Variants in NDUFAF2 observed in about 807,000 individuals in gnomAD.
NDUFAF2 encodes NADH:ubiquinone oxidoreductase complex assembly factor 2, also known as NADH dehydrogenase [ubiquinone] 1 alpha subcomplex assembly factor 2.
NDUFAF2 carries 13 observed loss-of-function variants against 22.8 expected under a neutral mutation model. That is an observed-to-expected ratio of 0.57 (90% CI 0.37 to 0.91). The LOEUF (loss-of-function observed/expected upper bound fraction) is 0.91, where lower values mean the gene tolerates loss of function less well. Ranked by LOEUF, NDUFAF2 falls within the 40% of genes least tolerant of loss-of-function variation. The pLI, the probability that NDUFAF2 is intolerant of heterozygous loss-of-function variation, is 0.01. For synonymous variants in NDUFAF2, 53 were observed against 64.2 expected (o/e 0.83, Z 0.84); for missense variants, 162 against 195.2 (o/e 0.83, Z 1.01).
rs532292878 is a variant in NDUFAF2 at position 61,006,373 on chromosome 5, C to T, written c.127+60991C>T. 5.8e-4 allele frequency among the ~76,000 whole-genome samples: 88 copies of T among 152,186 alleles called. No homozygotes were observed. The Middle Eastern group carries it at 0.01, about 18-fold the overall frequency. On this transcript the variant is annotated intron_variant, in intron 1 of 3. Transcript: ENST00000296597. ...TGTAGTATAGTTTGAAGTCAGGTAG[C>T]GTGATGCCTCCAGCTTTGTTCTTTT...
chr5:61,081,077 A>C (rs888586328), intron 2 of NDUFAF2, among the ~76,000 whole-genome samples: 1 of 152,132 alleles, frequency 6.6e-6, no homozygotes, highest in South Asian at 2.1e-4. Flanking sequence ...CCGTTTTTTT[A>C]AATGACCACT....
intron 1 of NDUFAF2, among the ~76,000 whole-genome samples, chr5:60,999,502 G>T (rs370655957): frequency 6.6e-6 from 1 of 152,062 alleles, no homozygotes; most frequent in Admixed American, 6.6e-5. Flanking sequence ...CCATTTATAT[G>T]AAATATCCAG....
intron 1 of NDUFAF2, among the ~76,000 whole-genome samples, chr5:60,972,717 T>C (rs544068141): frequency 4.6e-5 from 7 of 151,894 alleles, no homozygotes; most frequent in Non-Finnish European, 1.0e-4. Flanking sequence ...GTTTTTAATC[T>C]CTTTTTTTAA....
intron 2 of NDUFAF2, among the ~76,000 whole-genome samples, chr5:61,085,421 A>T (rs1327884996): frequency 1.3e-5 from 2 of 152,160 alleles, no homozygotes; most frequent in Admixed American, 1.3e-4. Context: ...TAAGGGGGGA[A>T]AAAAACCTAC....
chr5:60,977,830 C>T (rs1474120755), intron 1 of NDUFAF2, among the ~76,000 whole-genome samples: 1 of 124,522 alleles, frequency 8.0e-6, no homozygotes, highest in Non-Finnish European at 1.7e-5. Flanking sequence ...GAACAAGACT[C>T]TGTCTCAAAA....
At chr5:61,007,767 A>G (rs1751387444) in intron 1 of NDUFAF2, among the ~76,000 whole-genome samples, 1 of 152,210 alleles carries the variant, frequency 6.6e-6, no homozygotes, top group Non-Finnish European at 1.5e-5. Flanking sequence ...ATCTAGAACT[A>G]GAAATACCAT....
chr5:61,074,544 G>A (rs377580768), intron 2 of NDUFAF2, among the ~76,000 whole-genome samples: 3 of 152,032 alleles, frequency 2.0e-5, no homozygotes, highest in East Asian at 3.9e-4. Flanking sequence ...CCAAGATCAC[G>A]CCACTGCACT....
intron 3 of NDUFAF2, among the ~76,000 whole-genome samples, chr5:61,127,490 A>G (rs1389209282): frequency 6.6e-6 from 1 of 152,188 alleles, no homozygotes; most frequent in Non-Finnish European, 1.5e-5. Context: ...ACATAAATCA[A>G]TACACATAAT....
At chr5:61,151,900 C>T (rs529596781) in intron 3 of NDUFAF2, among the ~76,000 whole-genome samples, 13 of 152,096 alleles carry the variant, frequency 8.5e-5, no homozygotes, top group Non-Finnish European at 1.5e-4. Context: ...TTTTAAGATA[C>T]GTATCTTTTC....
chr5:61,009,453 G>A (rs1561541017), intron 1 of NDUFAF2, among the ~76,000 whole-genome samples: 2 of 152,026 alleles, frequency 1.3e-5, no homozygotes, highest in Non-Finnish European at 2.9e-5. Flanking sequence ...TCATTGGACT[G>A]CCCAGATTTA....
chr5:61,152,792 C>G lies in NDUFAF2; in HGVS notation c.347C>G (p.Thr116Ser). 1 of 1,599,890 alleles carries G rather than the reference C, an allele frequency of 6.3e-7. No homozygotes were observed. Among genetic ancestry groups the G allele is most frequent in the Non-Finnish European group, 8.5e-7 (1 of 1,172,408 alleles). ...YEKEKLLSKE[T>S]SEELLPPPVQ... ...AAAGAAAAACTCCTTAGTAAAGAGA[C>G]CAGTGAGGAACTCCTGCCTCCACCA... Residue 116 changes from threonine (T) to serine (S), a missense_variant, in exon 4 of 4, where the codon ACC (threonine) becomes AGC (serine). By Grantham distance (58) the Thr-to-Ser change is moderately conservative. This residue lies in a region of NDUFAF2 where 68 missense variants were observed against 110.0 expected (regional missense o/e 0.62). Transcript: ENST00000296597.
chr5:61,027,426 TTG>T (rs1221737450), intron 1 of NDUFAF2, among the ~76,000 whole-genome samples: 1 of 151,974 alleles, frequency 6.6e-6, no homozygotes, highest in Non-Finnish European at 1.5e-5. Context: ...TCACTTCCTA[TTG>T]TTTTACTTTC....
intron 2 of NDUFAF2, among the ~76,000 whole-genome samples, chr5:61,087,005 T>A (rs1343533876): frequency 1.3e-5 from 2 of 152,110 alleles, no homozygotes; most frequent in African/African-American, 4.8e-5. Context: ...TAAATGTGGT[T>A]CCCCCACACT....
At chr5:60,995,279 A>G (rs1561537399) in intron 1 of NDUFAF2, among the ~76,000 whole-genome samples, 1 of 152,180 alleles carries the variant, frequency 6.6e-6, no homozygotes, top group Non-Finnish European at 1.5e-5. Context: ...TTGAAAGGTT[A>G]GGTATTATAG....
At chr5:61,123,892 T>TA (rs34670131) in intron 3 of NDUFAF2, among the ~76,000 whole-genome samples, 16,347 of 152,178 alleles carry the variant, frequency 0.11, 1,070 homozygotes, top group South Asian at 0.22. Flanking sequence ...AAATATGCCA[T>TA]ATGATCTGAC....
chr5:61,069,230 G>A (rs1331607363), intron 1 of NDUFAF2, among the ~76,000 whole-genome samples: 1 of 151,080 alleles, frequency 6.6e-6, no homozygotes, highest in African/African-American at 2.4e-5. Context: ...TTGAAATCAA[G>A]GGTAAATGTA....
chr5:60,988,976 C>T (rs1022882821), intron 1 of NDUFAF2, among the ~76,000 whole-genome samples: 4 of 152,160 alleles, frequency 2.6e-5, no homozygotes, highest in Non-Finnish European at 4.4e-5. Context: ...AAACTATCAA[C>T]AGAGTAAACA....
At chr5:60,996,266 C>T (rs1371290793) in intron 1 of NDUFAF2, among the ~76,000 whole-genome samples, 1 of 152,152 alleles carries the variant, frequency 6.6e-6, no homozygotes, top group Non-Finnish European at 1.5e-5. Context: ...ATTATGAATG[C>T]TGCCAGGATG....
intron 3 of NDUFAF2, among the ~76,000 whole-genome samples, chr5:61,108,914 T>G (rs548812391): frequency 7.2e-5 from 11 of 152,334 alleles, no homozygotes; most frequent in African/African-American, 2.6e-4. Context: ...TTTTGTTCTT[T>G]GTGCTCAGGA....
Sources: gnomAD v4.1 joint callset for allele counts (sites outside exome capture counted in the v4.1 genomes callset) on GRCh38, gnomAD v4.1.1 for gene constraint, gnomAD v4.1.1 regional missense constraint, MANE v1.5 for transcripts, NCBI Gene and HGNC (gene_info 2026-07-23, HGNC 2026-07-21) for gene names.